The following TARS1 variants were observed in gnomAD, a reference collection of about 807,000 sequenced individuals.
TARS1 encodes threonyl-tRNA synthetase 1.
A neutral mutation model predicts 97.7 loss-of-function variants in TARS1; 57 were observed. The ratio of observed to expected loss-of-function variants is 0.58; its 90% CI spans 0.47 to 0.73. The LOEUF (loss-of-function observed/expected upper bound fraction) is 0.73. TARS1 is among the 30% of genes least tolerant of loss of function. TARS1 has a pLI of 0.00. For synonymous variants in TARS1, 312 were observed against 293.7 expected, an observed-to-expected ratio of 1.06 and a Z score of -0.64; for missense variants, 806 against 888.3, an observed-to-expected ratio of 0.91 and a Z score of 1.18.
At chr5:33,457,114 G>A (rs1001583783) in intron 8 of TARS1, 143 bp from the exon 9 acceptor site, 2 of 874,220 alleles carry the variant, frequency 2.3e-6, no homozygotes, top group African/African-American at 3.4e-5. Context: ...TTGAGGGAGG[G>A]GCATTTTTGA....
intron 16 of TARS1, among the ~76,000 whole-genome samples, chr5:33,462,581 C>A (rs149400189): frequency 1.3e-5 from 2 of 152,166 alleles, no homozygotes; most frequent in African/African-American, 4.8e-5. Flanking sequence ...TGGCTTTCTT[C>A]GTTCAGCCTT....
At position 33,461,007 on chromosome 5, in the gene TARS1, C is replaced by T. The variant is rs1742263745; in HGVS notation, c.1356C>T (p.Leu452=). 1.2e-6 allele frequency: 2 copies of T among 1,614,142 alleles called. No individual in the cohort carries two copies. The highest frequency in any genetic ancestry group is 1.1e-5 in the South Asian group (1 of 91,076). ...AGCTGTCTGGAGCACTCACAGGACTCACCCGGGTACGAAGATTCCAACAGG... is the reference window on the plus strand; with the variant it reads ...AGCTGTCTGGAGCACTCACAGGACTTACCCGGGTACGAAGATTCCAACAGG... ...RNELSGALTG[L]TRVRRFQQDD... is the part of the protein sequence containing the mutation. Residue 452 remains leucine (L), a synonymous_variant, in exon 12 of 19, where the codon CTC becomes CTT. Coordinates refer to ENST00000265112, the MANE Select transcript of TARS1 (RefSeq NM_152295.5).
At chr5:33,451,396 GA>G (rs926237608) in intron 3 of TARS1, among the ~76,000 whole-genome samples, 1 of 149,548 alleles carries the variant, frequency 6.7e-6, no homozygotes, top group Non-Finnish European at 1.5e-5. Flanking sequence ...TTTTGAGACG[GA>G]GGAGTCTCGC....
In TARS1 at chr5:33,461,684, G is replaced by C. The variant is rs1338488498; in HGVS notation, c.1569G>C (p.Leu523=). Residue 523 remains leucine, a synonymous_variant, in exon 14 of 19, where the codon CTG becomes CTC. Transcript: ENST00000265112. ...ATCCTCAGCAACTTGAAAACAGTCT[G>C]AATGAATTTGGTGAAAAGTGGGAGT... ...DQAEKQLENS[L]NEFGEKWELN... is the part of the protein sequence containing the mutation. The C allele has an allele frequency of 6.2e-7, 1 of 1,614,056 alleles. No homozygotes were observed. Among genetic ancestry groups the C allele is most frequent in the Non-Finnish European group, 8.5e-7 (1 of 1,179,982 alleles).
intron 3 of TARS1, chr5:33,452,243 C>G: frequency 1.1e-6 from 1 of 910,070 alleles, no homozygotes; most frequent in African/African-American, 1.6e-5. Context: ...TAGAATGTTG[C>G]CTACCTTCGT....
Position 33,446,663 on chromosome 5 carries a change from C to G in TARS1, c.138+1259C>G, listed in dbSNP as rs1245844740. ...TCACAGAGACTGACACAGAGGGTAT[C>G]TGCTGAATGAATGTTGAAGAGATTT... On this transcript the variant is annotated intron_variant, in intron 2 of 18. Transcript: ENST00000265112. 3 of 1,288,918 alleles carry G rather than the reference C, an allele frequency of 2.3e-6. No homozygotes were observed. The Admixed American group carries it at 6.9e-5, about 30-fold the overall frequency. 79.8% of individuals were successfully genotyped at this position (1,288,918 alleles called of 1,614,324 possible).
In TARS1 at chr5:33,463,546, C is replaced by T. The variant is rs552628827; in HGVS notation, c.1836-207C>T. 7.2e-5 allele frequency among the ~76,000 whole-genome samples: 11 copies of T among 152,292 alleles called. No homozygotes were observed. In the East Asian group the frequency reaches 1.5e-3, roughly 21 times the overall value. Reference sequence around the variant, plus strand: ...AAATTGTAGTTACAGGCTTTCCTTACGTAGGGTTAGTTTTCTTCTCCTGCA... The same window carrying T: ...AAATTGTAGTTACAGGCTTTCCTTATGTAGGGTTAGTTTTCTTCTCCTGCA... On this transcript the variant is annotated intron_variant, in intron 16 of 18. Transcript: ENST00000265112.
At chr5:33,452,010 A>G (rs977635773) in intron 3 of TARS1, among the ~76,000 whole-genome samples, 5 of 152,232 alleles carry the variant, frequency 3.3e-5, no homozygotes, top group African/African-American at 9.6e-5. Context: ...TTTATAACCT[A>G]TGGTAAAGTT....
chr5:33,463,863 C>G (rs1314847297), intron 17 of TARS1, 38 bp downstream of exon 17: 3 of 1,555,456 alleles, frequency 1.9e-6, no homozygotes, highest in Middle Eastern at 1.7e-4. Context: ...AATTTAACAT[C>G]TGTTGTTCAG....
At chr5:33,460,012 C>T in intron 11 of TARS1, 151 bp downstream of exon 11, 1 of 746,942 alleles carries the variant, frequency 1.3e-6, no homozygotes, top group South Asian at 2.9e-5. Flanking sequence ...ATCTTCTGCA[C>T]CTGATTAGAT....
At chr5:33,442,383 T>C (rs1741153556) in intron 1 of TARS1, among the ~76,000 whole-genome samples, 1 of 142,868 alleles carries the variant, frequency 7.0e-6, no homozygotes, top group Non-Finnish European at 1.5e-5. Context: ...TGTCCATAAA[T>C]ATTCTCCTGT....
chr5:33,453,741 A>G (rs1209870323), intron 4 of TARS1, among the ~76,000 whole-genome samples: 1 of 149,496 alleles, frequency 6.7e-6, no homozygotes, highest in African/African-American at 2.5e-5. Context: ...TTTTTTAATG[A>G]TGGAGTCTTG....
intron 9 of TARS1, among the ~76,000 whole-genome samples, chr5:33,457,831 C>T (rs1368491446): frequency 6.6e-6 from 1 of 152,226 alleles, no homozygotes; most frequent in African/African-American, 2.4e-5. Flanking sequence ...TTCCTCTACC[C>T]ATTATCTCTG....
chr5:33,459,714 G>A lies in TARS1; in HGVS notation c.1103G>A (p.Gly368Glu). Residue 368 changes from glycine to glutamate, a missense_variant, in exon 11 of 19, where the codon GGA becomes GAA. Physicochemically the swap from Gly to Glu is moderately conservative, Grantham distance 98. This residue lies in a region of TARS1 where 446 missense variants were observed against 511.0 expected (regional missense o/e 0.87). Transcript: ENST00000265112. ...TATCAGAGCGAATATAGGAAAAGAG[G>A]ATTCCAGGAGGTAGTCACCCCAAAC... The part of the protein sequence containing the change: ...EFIRSEYRKR[G>E]FQEVVTPNIF... 1 of 1,614,096 alleles carries A rather than the reference G, an allele frequency of 6.2e-7. No individual in the cohort carries two copies.
At chr5:33,458,520 G>C (rs755232577) in intron 9 of TARS1, 46 bp from the exon 10 acceptor site, 3 of 1,518,040 alleles carry the variant, frequency 2.0e-6, no homozygotes, top group Non-Finnish European at 2.7e-6. Context: ...ATACACACAC[G>C]TATACGTGAC....
chr5:33,466,750 A>T (rs531508489), intron 17 of TARS1, 121 bp from the exon 18 acceptor site: 1 of 580,368 alleles, frequency 1.7e-6, no homozygotes, highest in East Asian at 3.3e-5. Context: ...CAGTTTTGCC[A>T]GCTTTAAATT....
At chr5:33,460,163 G>C (rs1742224904) in intron 11 of TARS1, among the ~76,000 whole-genome samples, 1 of 151,874 alleles carries the variant, frequency 6.6e-6, no homozygotes, top group African/African-American at 2.4e-5. Flanking sequence ...GTAGAGATGA[G>C]GTCTTGCCAC....
chr5:33,452,204 T>C (rs1033900300), intron 3 of TARS1: 7 of 685,986 alleles, frequency 1.0e-5, no homozygotes, highest in Non-Finnish European at 1.8e-5. Flanking sequence ...ATTTACAGTG[T>C]AAAGGGTGTA....
At chr5:33,447,396 G>T (rs758958985) in intron 2 of TARS1, among the ~76,000 whole-genome samples, 2 of 152,036 alleles carry the variant, frequency 1.3e-5, no homozygotes, top group African/African-American at 4.8e-5. Flanking sequence ...ACAGGTGTGC[G>T]CCACCACACC....
Sources: allele counts gnomAD v4.1 joint callset (sites outside exome capture counted in the v4.1 genomes callset), GRCh38; gene constraint gnomAD v4.1.1; regional missense constraint gnomAD v4.1.1; transcripts MANE v1.5; gene names NCBI Gene and HGNC (gene_info 2026-07-23, HGNC 2026-07-21).